The following SNX22 variants were observed in gnomAD, a reference collection of about 807,000 sequenced individuals.
The protein encoded by SNX22 is sorting nexin-22.
Under a neutral mutation model 24.7 loss-of-function variants are expected in SNX22, and 23 were observed. The ratio of observed to expected loss-of-function variants is 0.93; its 90% CI spans 0.67 to 1.32. SNX22 has a LOEUF of 1.32. Ranked by LOEUF, SNX22 falls within the 40% of genes most tolerant of loss-of-function variation. The probability of loss-of-function intolerance (pLI) is 0.00; values close to 1 mark genes in which losing one functional copy is unlikely to be tolerated. For synonymous variants in SNX22, 99 were observed against 104.0 expected (o/e 0.95, Z 0.29); for missense variants, 261 against 249.9 (o/e 1.04, Z -0.30).
chr15:64,154,019 A>G lies in SNX22; in HGVS notation c.460+17A>G. The G allele has an allele frequency of 6.2e-7, 1 of 1,613,978 alleles. No individual in the cohort carries two copies. The highest frequency in any genetic ancestry group is 8.5e-7 in the Non-Finnish European group (1 of 1,179,990). On this transcript the variant is annotated intron_variant, in intron 6 of 6. Transcript: ENST00000325881. ...CCTCCCCAGGTGAGGAGGTGCCTAG[A>G]TATGGGGCTACAGGGCTGGGTTGTG...
At chr15:64,153,559 T>C in intron 4 of SNX22, 93 bp from the exon 5 acceptor site, 3 of 1,557,030 alleles carry the variant, frequency 1.9e-6, no homozygotes. Flanking sequence ...AGTGGTCCCC[T>C]GGGAGGTGCA....
Position 64,154,950 on chromosome 15 carries a change from G to C in SNX22, c.*442G>C, listed in dbSNP as rs1170667479. On this transcript the variant is annotated 3_prime_UTR_variant, in exon 7 of 7. Coordinates refer to ENST00000325881, the MANE Select transcript of SNX22 (RefSeq NM_024798.3). ...AGCTACTCGGGAAGCTGAGGTAGGA[G>C]AATCTCTTTTTTTTTTTTTTTTTTT... 2 of 143,728 alleles carry C rather than the reference G, an allele frequency of 1.4e-5. No homozygotes were observed. Among genetic ancestry groups the C allele is most frequent in the Non-Finnish European group, 3.0e-5 (2 of 66,540 alleles). 8.9% of individuals were successfully genotyped at this position (143,728 alleles called of 1,614,324 possible).
In SNX22 at chr15:64,153,668, C is replaced by T. The variant is rs2081503701; in HGVS notation, c.376C>T (p.Leu126=). 1 of 1,613,964 alleles carries T rather than the reference C, an allele frequency of 6.2e-7. No individual in the cohort carries two copies. The highest frequency in any genetic ancestry group is 8.5e-7 in the Non-Finnish European group (1 of 1,180,018). ...ASNWGTLREF[L]PGDSSSQQHQ... ...TCTCTTCAGCACCCTGAGGGAGTTC[C>T]TGCCTGGCGACAGCAGGCAAGTCAA... is the stretch of plus-strand genomic sequence containing the variant. Residue 126 remains leucine (L), a synonymous_variant, in exon 5 of 7, where the codon CTG becomes TTG. Transcript: ENST00000325881.
intron 6 of SNX22, 167 bp from the exon 7 acceptor site, chr15:64,154,220 G>A (rs2081509847): frequency 2.4e-5 from 38 of 1,578,302 alleles, no homozygotes; most frequent in Non-Finnish European, 3.3e-5. Flanking sequence ...TTACCAAGCT[G>A]ATGTGAAAAG....
rs924183883 is a variant in SNX22 at position 64,155,923 on chromosome 15, C to T, written c.*1415C>T. On this transcript the variant is annotated 3_prime_UTR_variant, in exon 7 of 7. Coordinates refer to ENST00000325881, the MANE Select transcript of SNX22 (RefSeq NM_024798.3). ...GTGGAATGTGAGGGGAGTGGGTCCG[C>T]TCCACCAGATGCCAGCACCGGGGCC... The T allele has an allele frequency of 1.5e-5, 24 of 1,584,808 alleles. No homozygotes were observed. In the Admixed American group the frequency reaches 2.7e-4, roughly 18 times the overall value.
At position 64,151,742 on chromosome 15, in the gene SNX22, C is replaced by T. The variant is rs140876137; in HGVS notation, c.-34C>T. The T allele has an allele frequency of 1.3e-6, 2 of 1,522,272 alleles. No individual in the cohort carries two copies. The highest frequency in any genetic ancestry group is 1.8e-6 in the Non-Finnish European group (2 of 1,138,190). 94.3% of individuals were successfully genotyped at this position (1,522,272 alleles called of 1,614,324 possible). A position where few individuals can be genotyped will look rare whatever the true frequency, so the allele number is the denominator to read the frequency against. On this transcript the variant is annotated 5_prime_UTR_variant, in exon 1 of 7. Transcript: ENST00000325881. ...GCTCCGGGAGAGTTAGGGCTCCGAGCCGAGCGCGCGGAGCAGCTGGGGCCG... is the reference window on the plus strand; with the variant it reads ...GCTCCGGGAGAGTTAGGGCTCCGAGTCGAGCGCGCGGAGCAGCTGGGGCCG...
In SNX22 at chr15:64,152,336, C is replaced by T. The variant is rs1452512967; in HGVS notation, c.159+10C>T. The T allele has an allele frequency of 6.6e-7, 1 of 1,507,810 alleles. No homozygotes were observed. The highest frequency in any genetic ancestry group is 1.4e-5 in the African/African-American group (1 of 70,720). The allele number at this position is 1,507,810 out of a possible 1,614,324, so 93.4% of individuals were successfully genotyped here. ...CGCGCTGCACAAGCGGGTGAGGCGG[C>T]GCCGACCTCCCACCGGCCCCGGCCC... On this transcript the variant is annotated intron_variant, in intron 2 of 6. Coordinates refer to ENST00000325881, the MANE Select transcript of SNX22 (RefSeq NM_024798.3).
rs922134261 is a variant in SNX22, at chr15:64,155,542, A to G, written c.*1034A>G. 23 of 161,008 alleles carry G rather than the reference A, an allele frequency of 1.4e-4. No homozygotes were observed. The highest frequency in any genetic ancestry group is 1.9e-4 in the Non-Finnish European group (14 of 74,578). 10.0% of individuals were successfully genotyped at this position (161,008 alleles called of 1,614,324 possible). On this transcript the variant is annotated 3_prime_UTR_variant, in exon 7 of 7. Coordinates refer to ENST00000325881, the MANE Select transcript of SNX22 (RefSeq NM_024798.3). ...AAAAAAAAAAAAAAAAAATCAATTT[A>G]GAGGTAGGCTATGAAAAAGTACAGA...
intron 2 of SNX22, 41 bp downstream of exon 2, chr15:64,152,367 C>T (rs1248757038): frequency 6.7e-7 from 1 of 1,482,650 alleles, no homozygotes; most frequent in African/African-American, 1.4e-5. Context: ...GGCCCAGCCT[C>T]TGTCCAGCCC....
chr15:64,157,399 A>G lies in SNX22; in HGVS notation c.*2891A>G, dbSNP rs1427948426. On this transcript the variant is annotated 3_prime_UTR_variant, in exon 7 of 7. Transcript: ENST00000325881. The surrounding 1 kb of genome is among the most constrained non-coding windows in gnomAD (Gnocchi z 4.2). ...CCAGAGATGTGTGGGGAGGGGCAGA[A>G]AAGAGGGGCTGCCCCTTGGATTCTG... 1.1e-5 allele frequency: 2 copies of G among 178,078 alleles called. No homozygotes were observed. The highest frequency in any genetic ancestry group is 2.8e-4 in the East Asian group (2 of 7,248). The allele number at this position is 178,078 out of a possible 1,614,324, so 11.0% of individuals were successfully genotyped here. A position where few individuals can be genotyped will look rare whatever the true frequency, so the allele number is the denominator to read the frequency against.
intron 4 of SNX22, 69 bp from the exon 5 acceptor site, chr15:64,153,583 G>T (rs2081502856): frequency 1.3e-6 from 2 of 1,599,582 alleles, no homozygotes; most frequent in Admixed American, 3.3e-5. Context: ...CTGGGCTCTG[G>T]TGTCTCCACC....
Position 64,152,678 on chromosome 15 carries a change from G to C in SNX22, c.200G>C (p.Arg67Pro), listed in dbSNP as rs1227241609. The C allele has an allele frequency of 1.9e-6, 3 of 1,614,178 alleles. No individual in the cohort carries two copies. Among genetic ancestry groups the C allele is most frequent in the Admixed American group, 1.7e-5 (1 of 60,028 alleles). The stretch of plus-strand genomic sequence containing the variant: ...AAAGTGCCCGACTTCCCCTCGAAAC[G>C]CCTGCCCAACTGGAGGACCAGAGGG... Reference protein sequence around the residue: ...LYKVPDFPSKRLPNWRTRGLE... With the variant: ...LYKVPDFPSKPLPNWRTRGLE... Residue 67 changes from arginine to proline, a missense_variant, in exon 3 of 7, where the codon CGC becomes CCC. By Grantham distance (103) the Arg-to-Pro change is moderately radical. Coordinates refer to ENST00000325881, the MANE Select transcript of SNX22 (RefSeq NM_024798.3).
Position 64,152,287 on chromosome 15 carries a change from G to A in SNX22, c.120G>A (p.Val40=). 1 of 1,507,218 alleles carries A rather than the reference G, an allele frequency of 6.6e-7. No individual in the cohort carries two copies. Among genetic ancestry groups the A allele is most frequent in the Non-Finnish European group, 8.8e-7 (1 of 1,136,298 alleles). 93.4% of individuals were successfully genotyped at this position (1,507,218 alleles called of 1,614,324 possible). A position where few individuals can be genotyped will look rare whatever the true frequency, so the allele number is the denominator to read the frequency against. The stretch of plus-strand genomic sequence containing the variant: ...TGTGCAGCGGGCGCAGACACACGGT[G>A]CCAAGGCGCTACAGCGAGTTCCACG... The part of the protein sequence containing the change: ...EVLCSGRRHT[V]PRRYSEFHAL... The change falls in exon 2 of 7, where the codon GTG becomes GTA. Residue 40 remains valine (V), a synonymous_variant. Coordinates refer to ENST00000325881, the MANE Select transcript of SNX22 (RefSeq NM_024798.3).
At chr15:64,151,894 GA>G in intron 1 of SNX22, 44 bp downstream of exon 1, 1 of 1,502,316 alleles carries the variant, frequency 6.7e-7, no homozygotes, top group Non-Finnish European at 8.9e-7. Context: ...GGACCCGCAG[GA>G]TTTCCCCGCG....
At chr15:64,153,182 C>T in intron 3 of SNX22, 63 bp from the exon 4 acceptor site, 2 of 1,579,456 alleles carry the variant, frequency 1.3e-6, no homozygotes, top group South Asian at 1.1e-5. Context: ...TGCATTTTCA[C>T]TGGCACTGCG....
chr15:64,152,580 A>C, intron 2 of SNX22, 58 bp from the exon 3 acceptor site: 1 of 1,526,030 alleles, frequency 6.6e-7, no homozygotes, highest in East Asian at 2.3e-5. Flanking sequence ...GGCTGGGGCG[A>C]AGAGGGCTTG....
In SNX22 at chr15:64,154,018, G is replaced by A. The variant is rs2081507401; in HGVS notation, c.460+16G>A. 1 of 1,614,174 alleles carries A rather than the reference G, an allele frequency of 6.2e-7. No individual in the cohort carries two copies. Among genetic ancestry groups the A allele is most frequent in the Non-Finnish European group, 8.5e-7 (1 of 1,180,028 alleles). ...CCCTCCCCAGGTGAGGAGGTGCCTA[G>A]ATATGGGGCTACAGGGCTGGGTTGT... is the stretch of plus-strand genomic sequence containing the variant. On this transcript the variant is annotated intron_variant, in intron 6 of 6. Transcript: ENST00000325881.
rs769350679 is a variant in SNX22 at position 64,157,416 on chromosome 15, T to A, written c.*2908T>A. The A allele has an allele frequency of 5.7e-5, 10 of 174,470 alleles. No homozygotes were observed. Among genetic ancestry groups the A allele is most frequent in the Non-Finnish European group, 9.9e-5 (8 of 80,540 alleles). The allele number at this position is 174,470 out of a possible 1,614,324, so 10.8% of individuals were successfully genotyped here. On this transcript the variant is annotated 3_prime_UTR_variant, in exon 7 of 7. Transcript: ENST00000325881. The surrounding 1 kb of genome is among the most constrained non-coding windows in gnomAD (Gnocchi z 4.2). The stretch of plus-strand genomic sequence containing the variant: ...GGGGCAGAAAAGAGGGGCTGCCCCT[T>A]GGATTCTGGAGAGTCAAAGCCTCTT...
chr15:64,152,003 G>C (rs2081489640), intron 1 of SNX22, 153 bp downstream of exon 1: 1 of 861,712 alleles, frequency 1.2e-6, no homozygotes, highest in African/African-American at 1.8e-5. Context: ...GGGCCGCTTG[G>C]ATTTGCCAGC....
Sources: gnomAD v4.1 joint callset for allele counts on GRCh38, gnomAD v4.1.1 for gene constraint, Gnocchi (gnomAD v3.1) non-coding constraint, MANE v1.5 for transcripts, NCBI Gene and HGNC (gene_info 2026-07-23, HGNC 2026-07-21) for gene names.